The following ANKRD44 variants were observed in gnomAD, a reference collection of about 807,000 sequenced individuals.
ANKRD44 encodes the protein serine/threonine-protein phosphatase 6 regulatory ankyrin repeat subunit B.
ANKRD44 carries 35 observed loss-of-function variants against 116.0 expected under a neutral mutation model. The ratio of observed to expected loss-of-function variants is 0.30; its 90% CI spans 0.23 to 0.40. The LOEUF (loss-of-function observed/expected upper bound fraction) is 0.40, where lower values mean the gene tolerates loss of function less well. Ranked by LOEUF, ANKRD44 falls within the 10% of genes least tolerant of loss-of-function variation. The pLI, the probability that ANKRD44 is intolerant of heterozygous loss-of-function variation, is 1.00. For synonymous variants in ANKRD44, 435 were observed against 461.8 expected, an observed-to-expected ratio of 0.94 and a Z score of 0.74; for missense variants, 1,014 against 1,242.6, an observed-to-expected ratio of 0.82 and a Z score of 2.77.
rs560274530 is a variant in ANKRD44 at position 197,164,566 on chromosome 2, G to A, written c.112-17461C>T. On this transcript the variant is annotated intron_variant, in intron 2 of 27. Coordinates refer to ENST00000282272, the MANE Select transcript of ANKRD44 (RefSeq NM_001195144.2). Reference sequence around the variant, plus strand: ...ACAAAGGCCGGCTTCGCGGCCGCTCGGAGCCGGGAGCATGCGCGGTGAGCC... The same window carrying A: ...ACAAAGGCCGGCTTCGCGGCCGCTCAGAGCCGGGAGCATGCGCGGTGAGCC... 2.0e-5 allele frequency among the ~76,000 whole-genome samples: 3 copies of A among 152,300 alleles called. No individual in the cohort carries two copies. In the East Asian group the frequency reaches 5.8e-4, roughly 29 times the overall value.
intron 16 of ANKRD44, among the ~76,000 whole-genome samples, chr2:197,048,452 T>A (rs1043642882): frequency 1.3e-5 from 2 of 152,194 alleles, no homozygotes; most frequent in Non-Finnish European, 2.9e-5. Context: ...TGGTTTTCTG[T>A]CCTTGCAATA....
At chr2:197,021,822 G>A (rs751768620) in intron 17 of ANKRD44, among the ~76,000 whole-genome samples, 11 of 152,158 alleles carry the variant, frequency 7.2e-5, no homozygotes, top group East Asian at 1.9e-4. Context: ...TCTCTTAAAC[G>A]TGATTAATTT....
intron 16 of ANKRD44, among the ~76,000 whole-genome samples, chr2:197,064,832 A>C (rs1284652903): frequency 6.6e-6 from 1 of 152,230 alleles, no homozygotes. Context: ...AAAGAGACTT[A>C]GACTCCCACA....
At chr2:197,011,152 G>A (rs568883545) in intron 18 of ANKRD44, among the ~76,000 whole-genome samples, 1 of 152,332 alleles carries the variant, frequency 6.6e-6, no homozygotes, top group South Asian at 2.1e-4. Context: ...TAGGCAAGAA[G>A]TTTAATGTAT....
At chr2:197,038,502 A>C (rs2076848574) in intron 16 of ANKRD44, among the ~76,000 whole-genome samples, 1 of 151,926 alleles carries the variant, frequency 6.6e-6, no homozygotes, top group Non-Finnish European at 1.5e-5. Flanking sequence ...CAAGGTGATG[A>C]AATCACTTAT....
intron 21 of ANKRD44, among the ~76,000 whole-genome samples, chr2:196,972,615 C>A (rs566403149): frequency 2.6e-5 from 4 of 152,288 alleles, no homozygotes; most frequent in Admixed American, 6.5e-5. Flanking sequence ...GAATTTACAG[C>A]AAAGTTTAAG....
intron 1 of ANKRD44, among the ~76,000 whole-genome samples, chr2:197,300,760 T>C (rs953164725): frequency 4.0e-5 from 5 of 124,398 alleles, no homozygotes; most frequent in African/African-American, 1.2e-4. Context: ...TCATTTTCCT[T>C]TTTTTTTTTT....
intron 1 of ANKRD44, among the ~76,000 whole-genome samples, chr2:197,271,901 C>G (rs1349259924): frequency 2.0e-5 from 3 of 151,994 alleles, no homozygotes; most frequent in Non-Finnish European, 2.9e-5. Context: ...CACGCCCAGC[C>G]CAAGGTTTTA....
chr2:196,969,192 T>C (rs554279666), intron 21 of ANKRD44, among the ~76,000 whole-genome samples: 2 of 152,356 alleles, frequency 1.3e-5, no homozygotes, highest in African/African-American at 4.8e-5. Context: ...CAAATGCTAA[T>C]TTAAAATATA....
At chr2:197,285,688 C>G (rs1293220384) in intron 1 of ANKRD44, among the ~76,000 whole-genome samples, 2 of 152,194 alleles carry the variant, frequency 1.3e-5, no homozygotes, top group Admixed American at 1.3e-4. Context: ...GGCATGCCCC[C>G]AGTCACAAAT....
chr2:197,053,157 C>T (rs998563393), intron 16 of ANKRD44, among the ~76,000 whole-genome samples: 3 of 151,864 alleles, frequency 2.0e-5, no homozygotes, highest in South Asian at 2.1e-4. Context: ...GGCAACAGAG[C>T]GAGATTCTGT....
rs2081101991 is a variant in ANKRD44 at position 197,201,999 on chromosome 2, C to A, written c.28-14893G>T. ...AATACAATCATAGTTCTTTTGAGAT[C>A]ATGGTTGACTGTCCTGACAAAGGAG... is the stretch of plus-strand genomic sequence containing the variant. On this transcript the variant is annotated intron_variant, in intron 1 of 27. Coordinates refer to ENST00000282272, the MANE Select transcript of ANKRD44 (RefSeq NM_001195144.2). The surrounding 1 kb of genome is among the most constrained non-coding windows in gnomAD (Gnocchi z 4.0). Among the ~76,000 whole-genome samples the A allele has an allele frequency of 6.6e-6, 1 of 152,210 alleles. No homozygotes were observed. Among genetic ancestry groups the A allele is most frequent in the African/African-American group, 2.4e-5 (1 of 41,458 alleles).
intron 10 of ANKRD44, among the ~76,000 whole-genome samples, chr2:197,092,372 G>C (rs546823749): frequency 6.6e-6 from 1 of 152,202 alleles, no homozygotes; most frequent in African/African-American, 2.4e-5. Flanking sequence ...GTTAAGCTTT[G>C]GGTACATACA....
chr2:197,060,067 C>T (rs191970438), intron 16 of ANKRD44, among the ~76,000 whole-genome samples: 9 of 152,328 alleles, frequency 5.9e-5, no homozygotes, highest in African/African-American at 2.2e-4. Flanking sequence ...CCCCTAAAGT[C>T]TCACAGCGTG....
rs765133078 is a variant in ANKRD44 at position 197,164,478 on chromosome 2, A to T, written c.112-17373T>A. Among the ~76,000 whole-genome samples, 198 of 152,242 alleles carry T rather than the reference A, an allele frequency of 1.3e-3. 2 individuals are homozygous for T. Among genetic ancestry groups the T allele is most frequent in the Non-Finnish European group, 1.8e-4 (12 of 67,998 alleles). ...GTCGGGCAGGTCGCACCCTTCCCCCAGCTGAAGAGCAGCGCTCAGAAGAGC... is the reference window on the plus strand; with the variant it reads ...GTCGGGCAGGTCGCACCCTTCCCCCTGCTGAAGAGCAGCGCTCAGAAGAGC... On this transcript the variant is annotated intron_variant, in intron 2 of 27. Coordinates refer to ENST00000282272, the MANE Select transcript of ANKRD44 (RefSeq NM_001195144.2).
intron 2 of ANKRD44, among the ~76,000 whole-genome samples, chr2:197,149,160 T>C (rs926146487): frequency 6.6e-6 from 1 of 152,262 alleles, no homozygotes; most frequent in African/African-American, 2.4e-5. Context: ...TTACATGTTC[T>C]TTTGTGAACT....
At chr2:197,274,233 T>A (rs1020791187) in intron 1 of ANKRD44, among the ~76,000 whole-genome samples, 17 of 152,022 alleles carry the variant, frequency 1.1e-4, no homozygotes, top group Middle Eastern at 3.4e-3. Flanking sequence ...GGGAAGTTAG[T>A]GAAAATTCTC....
At chr2:197,309,990 G>A (rs1186371566) in intron 1 of ANKRD44, among the ~76,000 whole-genome samples, 1 of 152,178 alleles carries the variant, frequency 6.6e-6, no homozygotes, top group African/African-American at 2.4e-5. Context: ...CCTCCTCAGA[G>A]GGACCGGCCC....
At position 197,121,525 on chromosome 2, in the gene ANKRD44, T is replaced by C. The variant is rs1338962767; in HGVS notation, c.713A>G (p.Tyr238Cys). The change falls in exon 8 of 28, where the codon TAT becomes TGT. Residue 238 changes from tyrosine (Y) to cysteine (C), a missense_variant. Transcript: ENST00000282272. ...GGCGATGTGAAGCGCTGTATTTCCA[T>C]AGACATTGATTTCATCAATCTGCAA... The part of the protein sequence containing the change: ...LGVEIDEINV[Y>C]GNTALHIACY... 6 of 1,614,150 alleles carry C rather than the reference T, an allele frequency of 3.7e-6. No homozygotes were observed. Among genetic ancestry groups the C allele is most frequent in the Non-Finnish European group, 3.4e-6 (4 of 1,180,020 alleles).
Sources: gnomAD v4.1 joint callset for allele counts (sites outside exome capture counted in the v4.1 genomes callset) on GRCh38, gnomAD v4.1.1 for gene constraint, Gnocchi (gnomAD v3.1) non-coding constraint, MANE v1.5 for transcripts, NCBI Gene and HGNC (gene_info 2026-07-23, HGNC 2026-07-21) for gene names.